Variants in SULF1 observed in about 807,000 individuals in gnomAD.
SULF1 encodes extracellular sulfatase Sulf-1.
Under a neutral mutation model 110.5 loss-of-function variants are expected in SULF1, and 46 were observed. That is an observed-to-expected ratio of 0.42 (90% CI 0.33 to 0.53). The LOEUF (loss-of-function observed/expected upper bound fraction) is 0.53, where lower values mean the gene tolerates loss of function less well. SULF1 is among the 20% of genes least tolerant of loss of function. SULF1 has a pLI of 0.12. For missense variants in SULF1, 941 were observed against 1,094.2 expected (o/e 0.86, Z 1.98); for synonymous variants, 371 against 387.1 (o/e 0.96, Z 0.49).
intron 1 of SULF1, among the ~76,000 whole-genome samples, chr8:69,468,610 C>G (rs1808955791): frequency 1.3e-5 from 2 of 152,130 alleles, no homozygotes; most frequent in African/African-American, 4.8e-5. Flanking sequence ...AAGCTGAAGT[C>G]TTTCGGAGTT....
intron 5 of SULF1, among the ~76,000 whole-genome samples, chr8:69,566,479 G>A (rs544372415): frequency 1.3e-5 from 2 of 152,282 alleles, no homozygotes; most frequent in South Asian, 4.1e-4. Context: ...TTATAGACCA[G>A]GCTCAGCCAA....
intron 11 of SULF1, 33 bp from the exon 12 acceptor site, chr8:69,603,567 T>A: frequency 6.3e-7 from 1 of 1,586,670 alleles, no homozygotes; most frequent in Admixed American, 1.7e-5. Context: ...AACGTCCAGA[T>A]GCCAAAAGTA....
At chr8:69,467,023 G>C (rs1474887056) in intron 1 of SULF1, 2 of 152,040 alleles carry the variant, frequency 1.3e-5, no homozygotes, top group East Asian at 3.9e-4. Flanking sequence ...ATGCTAGCAC[G>C]GCACACTTGT....
intron 3 of SULF1, among the ~76,000 whole-genome samples, chr8:69,537,691 T>C (rs1444741908): frequency 2.0e-5 from 3 of 152,180 alleles, no homozygotes; most frequent in Admixed American, 2.0e-4. Context: ...TATCCTGCCA[T>C]ATGTCAGGGG....
intron 13 of SULF1, among the ~76,000 whole-genome samples, chr8:69,617,111 C>A (rs1467484159): frequency 6.6e-6 from 1 of 151,844 alleles, no homozygotes; most frequent in Admixed American, 6.6e-5. Context: ...TGCAAAGTTA[C>A]GAAAAGTTAT....
intron 8 of SULF1, among the ~76,000 whole-genome samples, chr8:69,600,381 G>T (rs1807702600): frequency 6.6e-6 from 1 of 152,130 alleles, no homozygotes; most frequent in Non-Finnish European, 1.5e-5. Context: ...GCCAGTCATG[G>T]TTTTATATGT....
At chr8:69,490,197 G>A (rs1277434204), upstream of SULF1, among the ~76,000 whole-genome samples, 1 of 150,730 alleles carries the variant, frequency 6.6e-6, no homozygotes, top group African/African-American at 2.4e-5. Flanking sequence ...CTGCCTCCTG[G>A]GCTCAAGTGA....
chr8:69,639,685 G>A (rs1208428994), intron 21 of SULF1, among the ~76,000 whole-genome samples: 1 of 152,232 alleles, frequency 6.6e-6, no homozygotes, highest in Non-Finnish European at 1.5e-5. Context: ...CTTGGGTGCA[G>A]TTTGCAGGAG....
At chr8:69,596,503 A>T (rs1314020055) in intron 8 of SULF1, among the ~76,000 whole-genome samples, 1 of 152,182 alleles carries the variant, frequency 6.6e-6, no homozygotes, top group Non-Finnish European at 1.5e-5. Flanking sequence ...ATGGGAAGAT[A>T]TCTGATTGGG....
At position 69,498,166 on chromosome 8, in the gene SULF1, T is replaced by C. The variant is rs1810513898; in HGVS notation, c.-229+2240T>C. 3.4e-5 allele frequency among the ~76,000 whole-genome samples: 5 copies of C among 148,606 alleles called. No homozygotes were observed. In the South Asian group the frequency reaches 1.1e-3, roughly 32 times the overall value. ...ACACACACTCACAAGCACACACACA[T>C]CAGAGCTGTACTGAGTCATGACTTA... On this transcript the variant is annotated intron_variant, in intron 2 of 22. Coordinates refer to ENST00000402687, the MANE Select transcript of SULF1 (RefSeq NM_001128205.2).
chr8:69,596,522 G>A (rs745803712), intron 8 of SULF1, among the ~76,000 whole-genome samples: 15 of 152,312 alleles, frequency 9.8e-5, no homozygotes, highest in African/African-American at 3.4e-4. Flanking sequence ...GGAAGCAGAA[G>A]CAGCTGGTAT....
At chr8:69,574,789 G>GCTC (rs1678800674) in intron 5 of SULF1, among the ~76,000 whole-genome samples, 1 of 152,162 alleles carries the variant, frequency 6.6e-6, no homozygotes, top group African/African-American at 2.4e-5. Flanking sequence ...AGTTAGGATT[G>GCTC]CTCCTAGCCG....
intron 17 of SULF1, 97 bp downstream of exon 17, chr8:69,627,963 A>T (rs1181788108): frequency 3.3e-5 from 32 of 961,212 alleles, no homozygotes; most frequent in Middle Eastern, 2.1e-4. Context: ...TACCTATAGA[A>T]TGTATTGTCA....
At chr8:69,484,223 G>C (rs1441202) in intron 1 of SULF1, among the ~76,000 whole-genome samples, 48,917 of 152,032 alleles carry the variant, frequency 0.32, 9,337 homozygotes, top group East Asian at 0.58. Flanking sequence ...TTAAGATAAT[G>C]CTTTCTAGAA....
At chr8:69,640,772 G>A in intron 21 of SULF1, 36 bp from the exon 22 acceptor site, 1 of 1,587,232 alleles carries the variant, frequency 6.3e-7, no homozygotes. Context: ...AAGTTCTAAA[G>A]CTAACAGAAA....
Position 69,597,838 on chromosome 8 carries a change from A to C in SULF1, c.735-2765A>C, listed in dbSNP as rs570630976. Among the ~76,000 whole-genome samples the C allele has an allele frequency of 3.3e-5, 5 of 152,328 alleles. No homozygotes were observed. In the East Asian group the frequency reaches 9.6e-4, roughly 29 times the overall value. On this transcript the variant is annotated intron_variant, in intron 8 of 22. Transcript: ENST00000402687. ...AAAGAAACCCTGTGTAATCTGTTAT[A>C]GCTGTATTCTTTCTCAGGGCATGTA...
chr8:69,482,889 C>T (rs1377910744), intron 1 of SULF1, among the ~76,000 whole-genome samples: 1 of 152,112 alleles, frequency 6.6e-6, no homozygotes, highest in Admixed American at 6.6e-5. Context: ...ATAGTCAGCC[C>T]TTCATATCCA....
chr8:69,609,217 G>A (rs1808455685), intron 13 of SULF1, among the ~76,000 whole-genome samples: 1 of 152,124 alleles, frequency 6.6e-6, no homozygotes, highest in Non-Finnish European at 1.5e-5. Context: ...GTGGTGGTGT[G>A]TGCCTGCAGT....
At chr8:69,557,819 G>A (rs764230299) in intron 3 of SULF1, among the ~76,000 whole-genome samples, 24 of 152,176 alleles carry the variant, frequency 1.6e-4, no homozygotes, top group Non-Finnish European at 2.6e-4. Context: ...GAGGAGAAAG[G>A]AAGATCTCAT....
Sources: allele counts gnomAD v4.1 joint callset (sites outside exome capture counted in the v4.1 genomes callset), GRCh38; gene constraint gnomAD v4.1.1; transcripts MANE v1.5; gene names NCBI Gene and HGNC (gene_info 2026-07-23, HGNC 2026-07-21).